ERC2: variants seen among roughly 807,000 people sequenced by gnomAD.
The protein encoded by ERC2 is ELKS/RAB6-interacting/CAST family member 2.
ERC2 carries 42 observed loss-of-function variants against 114.8 expected under a neutral mutation model. The observed-to-expected ratio is 0.37, with a 90% CI of 0.29 to 0.47. The LOEUF is 0.47. ERC2 is among the 20% of genes least tolerant of loss of function. ERC2 has a pLI of 0.99. For missense variants in ERC2, 939 were observed against 1,150.7 expected (o/e 0.82, Z 2.66); for synonymous variants, 454 against 425.5 (o/e 1.07, Z -0.82).
At chr3:55,548,477 C>A (rs979765711) in intron 17 of ERC2, among the ~76,000 whole-genome samples, 4 of 152,160 alleles carry the variant, frequency 2.6e-5, no homozygotes, top group African/African-American at 9.7e-5. Flanking sequence ...TCTTAATTTG[C>A]CCATTCATTG....
intron 14 of ERC2, among the ~76,000 whole-genome samples, chr3:55,836,745 T>C (rs2060904975): frequency 1.3e-5 from 2 of 151,964 alleles, no homozygotes; most frequent in African/African-American, 4.8e-5. Flanking sequence ...AAAGCCAAAA[T>C]TGACAAATGG....
intron 17 of ERC2, among the ~76,000 whole-genome samples, chr3:55,554,205 C>T (rs931535385): frequency 1.3e-5 from 2 of 152,158 alleles, no homozygotes; most frequent in Non-Finnish European, 2.9e-5. Context: ...CAAGCGCTTT[C>T]CCTTTCCTGG....
At chr3:55,964,087 A>G (rs1417164407) in intron 12 of ERC2, among the ~76,000 whole-genome samples, 2 of 152,234 alleles carry the variant, frequency 1.3e-5, no homozygotes, top group Non-Finnish European at 2.9e-5. Flanking sequence ...ATCAATTTTA[A>G]AACATTGTTA....
intron 14 of ERC2, among the ~76,000 whole-genome samples, chr3:55,812,544 A>G (rs1047662681): frequency 2.0e-5 from 3 of 152,238 alleles, no homozygotes; most frequent in African/African-American, 7.2e-5. Flanking sequence ...TAATCTGATG[A>G]AACAGGCAAT....
At chr3:56,137,673 G>A (rs1418763735) in intron 6 of ERC2, among the ~76,000 whole-genome samples, 2 of 152,186 alleles carry the variant, frequency 1.3e-5, no homozygotes, top group African/African-American at 2.4e-5. Context: ...AGCAGGCTCA[G>A]GGCCAGATCT....
chr3:56,251,683 A>G (rs538226133), intron 3 of ERC2, among the ~76,000 whole-genome samples: 3 of 152,208 alleles, frequency 2.0e-5, no homozygotes, highest in Non-Finnish European at 4.4e-5. Flanking sequence ...TTCTGCCATC[A>G]AATGCATTTA....
chr3:56,231,410 A>G (rs975014217), intron 3 of ERC2, among the ~76,000 whole-genome samples: 1 of 152,136 alleles, frequency 6.6e-6, no homozygotes, highest in Non-Finnish European at 1.5e-5. Context: ...TGCCCTTCCA[A>G]TTCATCTTTT....
chr3:55,941,061 T>C (rs1286919095), intron 13 of ERC2, among the ~76,000 whole-genome samples: 5 of 152,226 alleles, frequency 3.3e-5, no homozygotes, highest in Non-Finnish European at 7.3e-5. Flanking sequence ...ATCTGTAAAG[T>C]GGTTTCAAAG....
At chr3:55,865,266 C>T (rs1190556392) in intron 14 of ERC2, among the ~76,000 whole-genome samples, 2 of 152,098 alleles carry the variant, frequency 1.3e-5, no homozygotes, top group Non-Finnish European at 2.9e-5. Flanking sequence ...CTTCAAGCAC[C>T]AGTGCCTTTC....
rs148159579 is a variant in ERC2 at position 56,026,440 on chromosome 3, T to G, written c.1642-7409A>C. ...ATTCAGGAAAGCTGCTTTAATGAGATGACTATTTAGAAGGCAACATATAGC... is the reference window on the plus strand; with the variant it reads ...ATTCAGGAAAGCTGCTTTAATGAGAGGACTATTTAGAAGGCAACATATAGC... On this transcript the variant is annotated intron_variant, in intron 7 of 17. Coordinates refer to ENST00000288221, the MANE Select transcript of ERC2 (RefSeq NM_015576.3). Among the ~76,000 whole-genome samples, 1,248 of 152,238 alleles carry G rather than the reference T, an allele frequency of 8.2e-3. 7 individuals carry two copies. The highest frequency in any genetic ancestry group is 0.013 in the Non-Finnish European group (863 of 68,012).
At chr3:56,040,642 A>G (rs898453980) in intron 7 of ERC2, among the ~76,000 whole-genome samples, 3 of 141,852 alleles carry the variant, frequency 2.1e-5, no homozygotes, top group African/African-American at 7.7e-5. Flanking sequence ...ATATACATAT[A>G]TAGATGTATA....
intron 7 of ERC2, among the ~76,000 whole-genome samples, chr3:56,022,647 G>T (rs1224542651): frequency 6.6e-6 from 1 of 152,148 alleles, no homozygotes; most frequent in Non-Finnish European, 1.5e-5. Flanking sequence ...AAAGGGTGAG[G>T]TTGTGCAAGG....
chr3:56,400,890 A>G (rs950937331), intron 2 of ERC2, among the ~76,000 whole-genome samples: 4 of 152,238 alleles, frequency 2.6e-5, no homozygotes, highest in African/African-American at 9.6e-5. Flanking sequence ...AGGGATGCCA[A>G]TGAGAGAAAC....
At chr3:56,013,545 C>A (rs1244680859) in intron 8 of ERC2, among the ~76,000 whole-genome samples, 1 of 152,174 alleles carries the variant, frequency 6.6e-6, no homozygotes, top group Non-Finnish European at 1.5e-5. Context: ...CCAGCTTAGA[C>A]AGGGTGGAAA....
chr3:55,605,278 G>A (rs771613799), intron 17 of ERC2, among the ~76,000 whole-genome samples: 1 of 152,120 alleles, frequency 6.6e-6, no homozygotes, highest in Non-Finnish European at 1.5e-5. Flanking sequence ...ACCATGCCTA[G>A]CCAATTATTT....
At chr3:56,259,666 T>TATG (rs1279780060) in intron 3 of ERC2, among the ~76,000 whole-genome samples, 1 of 151,854 alleles carries the variant, frequency 6.6e-6, no homozygotes, top group African/African-American at 2.4e-5. Flanking sequence ...TATGATATGA[T>TATG]ATGATATGAT....
At chr3:56,088,108 C>A (rs2077600806) in intron 6 of ERC2, among the ~76,000 whole-genome samples, 1 of 152,052 alleles carries the variant, frequency 6.6e-6, no homozygotes, top group Non-Finnish European at 1.5e-5. Context: ...CTGTTCCATA[C>A]CACACTCCTT....
intron 3 of ERC2, among the ~76,000 whole-genome samples, chr3:56,214,480 C>A (rs1019784977): frequency 3.3e-5 from 5 of 152,186 alleles, no homozygotes; most frequent in South Asian, 2.1e-4. Context: ...CCTCCAAGAA[C>A]TATGGGACTA....
At position 55,683,854 on chromosome 3, in the gene ERC2, G is replaced by A. The variant is rs570345623; in HGVS notation, c.2853C>T (p.Asp951=). The part of the protein sequence containing the change: ...SNHRPSPDQD[D]EEGIWA Reference sequence around the variant, plus strand: ...CCGGCTATGCCCATATGCCCTCCTCGTCATCCTGCGGCCGGCCCGAGGTGG... The same window carrying A: ...CCGGCTATGCCCATATGCCCTCCTCATCATCCTGCGGCCGGCCCGAGGTGG... The change falls in exon 17 of 18, where the codon GAC becomes GAT. Residue 951 remains aspartate (D), a synonymous_variant. Coordinates refer to ENST00000288221, the MANE Select transcript of ERC2 (RefSeq NM_015576.3). 15 of 1,611,464 alleles carry A rather than the reference G, an allele frequency of 9.3e-6. 1 individual carries two copies. Among genetic ancestry groups the A allele is most frequent in the Admixed American group, 8.4e-5 (5 of 59,708 alleles).
Sources: allele counts gnomAD v4.1 joint callset (sites outside exome capture counted in the v4.1 genomes callset), GRCh38; gene constraint gnomAD v4.1.1; transcripts MANE v1.5; gene names NCBI Gene and HGNC (gene_info 2026-07-23, HGNC 2026-07-21).